EML6: variants seen among roughly 807,000 people sequenced by gnomAD.
EML6 encodes the protein echinoderm microtubule-associated protein-like 6.
EML6 carries 154 observed loss-of-function variants against 240.1 expected under a neutral mutation model. The observed-to-expected ratio is 0.64, with a 90% confidence interval of 0.56 to 0.73. The LOEUF (loss-of-function observed/expected upper bound fraction) is 0.73. Among genes scored for constraint, EML6 ranks in the 30% least tolerant of loss-of-function variants. The pLI is 0.00. For synonymous variants in EML6, 1,148 were observed against 899.0 expected (o/e 1.28, Z -4.95); for missense variants, 2,964 against 2,474.6 (o/e 1.20, Z -4.20).
intron 28 of EML6, among the ~76,000 whole-genome samples, chr2:54,937,468 A>C (rs2104430534): frequency 7.0e-6 from 1 of 142,480 alleles, no homozygotes; most frequent in African/African-American, 2.6e-5. Context: ...TAAAAGGATC[A>C]CTTGAGCCTG....
intron 5 of EML6, among the ~76,000 whole-genome samples, chr2:54,824,210 TA>T (rs1222640898): frequency 6.6e-6 from 1 of 152,208 alleles, no homozygotes; most frequent in African/African-American, 2.4e-5. Context: ...CGGTAAATTC[TA>T]AAAGCAGAAA....
At chr2:54,818,023 A>C (rs1668155542) in intron 4 of EML6, among the ~76,000 whole-genome samples, 1 of 25,966 alleles carries the variant, frequency 3.9e-5, no homozygotes, top group African/African-American at 6.4e-5. Context: ...ACTTCACGGC[A>C]TATATATACA....
chr2:54,866,848 C>A lies in EML6; in HGVS notation c.2015C>A (p.Ala672Asp). ...HAVPFLKREK[A>D]PEDSLKLQFI... Reference sequence around the variant, plus strand: ...GTGCCCTTCCTCAAACGAGAAAAGGCTCCTGAGGACAGCTTGAAACTCCAG... The same window carrying A: ...GTGCCCTTCCTCAAACGAGAAAAGGATCCTGAGGACAGCTTGAAACTCCAG... Residue 672 changes from alanine (A) to aspartate (D), a missense_variant, in exon 14 of 42, where the codon GCT (alanine) becomes GAT (aspartate). Coordinates refer to ENST00000356458, the MANE Select transcript of EML6 (RefSeq NM_001039753.4). 1 of 1,551,066 alleles carries A rather than the reference C, an allele frequency of 6.4e-7. No homozygotes were observed. Among genetic ancestry groups the A allele is most frequent in the Non-Finnish European group, 8.7e-7 (1 of 1,146,508 alleles).
chr2:54,830,546 C>T (rs906257817), intron 7 of EML6, among the ~76,000 whole-genome samples: 7 of 152,150 alleles, frequency 4.6e-5, no homozygotes, highest in African/African-American at 1.7e-4. Context: ...TCATGAAGCC[C>T]CCGCTGTGTG....
chr2:54,965,228 G>C (rs1676695453), intron 38 of EML6, among the ~76,000 whole-genome samples: 1 of 152,204 alleles, frequency 6.6e-6, no homozygotes, highest in Non-Finnish European at 1.5e-5. Flanking sequence ...TGCTGGGACT[G>C]ATCCCTAAAA....
intron 9 of EML6, among the ~76,000 whole-genome samples, chr2:54,848,730 C>T (rs1274107778): frequency 6.6e-6 from 1 of 152,142 alleles, no homozygotes; most frequent in African/African-American, 2.4e-5. Flanking sequence ...TTGTCATAAT[C>T]CTGTCTCACA....
At chr2:54,771,526 C>A (rs1572877888) in intron 2 of EML6, among the ~76,000 whole-genome samples, 1 of 152,364 alleles carries the variant, frequency 6.6e-6, no homozygotes, top group South Asian at 2.1e-4. Flanking sequence ...AAGACAGATG[C>A]AGGAAACTCT....
chr2:54,916,415 G>A (rs556704409), intron 25 of EML6, among the ~76,000 whole-genome samples: 1 of 152,354 alleles, frequency 6.6e-6, no homozygotes, highest in Non-Finnish European at 1.5e-5. Context: ...TCCAGCCTAA[G>A]ACATCAGTGC....
intron 41 of EML6, among the ~76,000 whole-genome samples, 173 bp downstream of exon 41, chr2:54,968,941 CATTT>C (rs1292136083): frequency 6.6e-6 from 1 of 152,080 alleles, no homozygotes; most frequent in East Asian, 1.9e-4. Flanking sequence ...CAAGATAAGG[CATTT>C]ACTCTTTGGT....
intron 30 of EML6, among the ~76,000 whole-genome samples, 151 bp downstream of exon 30, chr2:54,950,930 G>A (rs985518039): frequency 6.6e-6 from 1 of 152,092 alleles, no homozygotes; most frequent in Non-Finnish European, 1.5e-5. Context: ...GCCTGGTAAC[G>A]CTCAGGTTCA....
chr2:54,931,059 G>C (rs1315947813), intron 28 of EML6, among the ~76,000 whole-genome samples: 2 of 145,382 alleles, frequency 1.4e-5, no homozygotes, highest in Admixed American at 7.2e-5. Flanking sequence ...CCGGGTTCAC[G>C]CCATTCTCCT....
At chr2:54,898,068 A>G (rs995579264) in intron 21 of EML6, among the ~76,000 whole-genome samples, 1 of 151,992 alleles carries the variant, frequency 6.6e-6, no homozygotes, top group African/African-American at 2.4e-5. Context: ...GGAGGGGAGA[A>G]TGGCAGGTGA....
intron 2 of EML6, among the ~76,000 whole-genome samples, chr2:54,809,012 C>T (rs1670648226): frequency 6.6e-6 from 1 of 151,814 alleles, no homozygotes; most frequent in Non-Finnish European, 1.5e-5. Flanking sequence ...TTTTTTGTTG[C>T]CATATATAAA....
chr2:54,853,627 T>G lies in EML6; in HGVS notation c.1445-16T>G. The G allele has an allele frequency of 7.0e-7, 1 of 1,438,664 alleles. No homozygotes were observed. Among genetic ancestry groups the G allele is most frequent in the Non-Finnish European group, 9.4e-7 (1 of 1,059,524 alleles). 89.1% of individuals were successfully genotyped at this position (1,438,664 alleles called of 1,614,324 possible). On this transcript the variant is annotated splice_polypyrimidine_tract_variant and intron_variant, in intron 10 of 41. Coordinates refer to ENST00000356458, the MANE Select transcript of EML6 (RefSeq NM_001039753.4). ...ACTTTTTATTTAAATGTAATGTTAA[T>G]ATTGATTATTTTCAGCTGGGAAGCC...
intron 2 of EML6, among the ~76,000 whole-genome samples, chr2:54,789,274 G>A (rs1181921383): frequency 1.3e-5 from 2 of 151,984 alleles, no homozygotes; most frequent in Admixed American, 6.6e-5. Context: ...AGCACTTTGG[G>A]AGGCCAAGGC....
At chr2:54,899,040 A>C (rs1672919298) in intron 21 of EML6, among the ~76,000 whole-genome samples, 1 of 152,212 alleles carries the variant, frequency 6.6e-6, no homozygotes, top group Admixed American at 6.5e-5. Flanking sequence ...ACATGGACAG[A>C]CCAATTTGTG....
chr2:54,791,736 G>C (rs1430311550), intron 2 of EML6, among the ~76,000 whole-genome samples: 1 of 152,288 alleles, frequency 6.6e-6, no homozygotes, highest in Non-Finnish European at 1.5e-5. Context: ...AATGATACTG[G>C]AGGTTCAGTA....
chr2:54,968,553 G>A (rs1163674350), intron 40 of EML6, 115 bp from the exon 41 acceptor site: 3 of 725,314 alleles, frequency 4.1e-6, no homozygotes, highest in Non-Finnish European at 7.2e-6. Flanking sequence ...AGACCAAATG[G>A]AAGTCCCCAG....
intron 2 of EML6, among the ~76,000 whole-genome samples, chr2:54,728,664 G>A (rs1014256524): frequency 6.6e-6 from 1 of 152,128 alleles, no homozygotes; most frequent in Non-Finnish European, 1.5e-5. Context: ...TATGCAAAGG[G>A]TTTAGTGTGG....
Sources: allele counts gnomAD v4.1 joint callset (sites outside exome capture counted in the v4.1 genomes callset), GRCh38; gene constraint gnomAD v4.1.1; transcripts MANE v1.5; gene names NCBI Gene and HGNC (gene_info 2026-07-23, HGNC 2026-07-21).